Variants in XYLT1 observed in about 807,000 individuals in gnomAD.
XYLT1 encodes beta-D-xylosyltransferase 1.
In XYLT1, 36 loss-of-function variants were observed where a neutral mutation model predicts 91.3. The observed-to-expected ratio is 0.39, with a 90% CI of 0.30 to 0.52. XYLT1 has a LOEUF of 0.52. Among genes scored for constraint, XYLT1 ranks in the 20% least tolerant of loss-of-function variants. The pLI, the probability that XYLT1 is intolerant of heterozygous loss-of-function variation, is 0.68. For missense variants in XYLT1, 1,242 were observed against 1,284.5 expected (o/e 0.97, Z 0.51); for synonymous variants, 588 against 532.0 (o/e 1.11, Z -1.45).
At chr16:17,364,633 G>A (rs1468284327) in intron 1 of XYLT1, among the ~76,000 whole-genome samples, 3 of 152,130 alleles carry the variant, frequency 2.0e-5, no homozygotes, top group African/African-American at 7.2e-5. Context: ...TAGCTAATTC[G>A]TTTTGAATGC....
intron 3 of XYLT1, chr16:17,250,304 TG>T (rs1335721792): frequency 6.6e-6 from 1 of 152,204 alleles, no homozygotes; most frequent in African/African-American, 2.4e-5. Flanking sequence ...GAGCTAAGAA[TG>T]GGTTGACATC....
chr16:17,122,895 G>C (rs12933231), intron 10 of XYLT1, among the ~76,000 whole-genome samples: 97,913 of 151,916 alleles, frequency 0.64, 32,551 homozygotes, highest in Non-Finnish European at 0.71. Context: ...TAAGTATTTG[G>C]CTTTATTTCT....
intron 3 of XYLT1, among the ~76,000 whole-genome samples, chr16:17,218,289 C>A (rs2032898740): frequency 6.6e-6 from 1 of 151,660 alleles, no homozygotes; most frequent in South Asian, 2.1e-4. Context: ...AAACAAACAA[C>A]AACAACAAGA....
In XYLT1 at chr16:17,379,508, CG is replaced by C. The variant is rs578193769; in HGVS notation, c.364-21459del. Among the ~76,000 whole-genome samples, 71 of 152,156 alleles carry C rather than the reference CG, an allele frequency of 4.7e-4. 2 individuals carry two copies. In the South Asian group the frequency reaches 0.013, roughly 29 times the overall value. Reference sequence around the variant, plus strand: ...ATGGGAACCTGGCCCCCGGAGGATGCGGGAGAGAAATTAGACAAGGTGTGGT... The same window carrying C: ...ATGGGAACCTGGCCCCCGGAGGATGCGGAGAGAAATTAGACAAGGTGTGGT... On this transcript the variant is annotated intron_variant, in intron 1 of 11. Coordinates refer to ENST00000261381, the MANE Select transcript of XYLT1 (RefSeq NM_022166.4).
chr16:17,467,014 T>C (rs1026390356), intron 1 of XYLT1, among the ~76,000 whole-genome samples: 19 of 152,158 alleles, frequency 1.2e-4, no homozygotes, highest in East Asian at 1.9e-4. Context: ...AGTGAACCGA[T>C]CTTTCAAAGT....
intron 1 of XYLT1, among the ~76,000 whole-genome samples, chr16:17,469,998 A>G (rs573420032): frequency 6.6e-6 from 1 of 152,274 alleles, no homozygotes; most frequent in Middle Eastern, 3.4e-3. Context: ...GTCTGCACCC[A>G]GCTCGGCAAA....
intron 1 of XYLT1, among the ~76,000 whole-genome samples, chr16:17,381,553 C>G (rs999503262): frequency 6.6e-6 from 1 of 151,624 alleles, no homozygotes; most frequent in African/African-American, 2.4e-5. Flanking sequence ...CCTCAGCCTC[C>G]TGAGCTGGGA....
At chr16:17,201,915 T>C (rs2032551510) in intron 3 of XYLT1, among the ~76,000 whole-genome samples, 1 of 152,192 alleles carries the variant, frequency 6.6e-6, no homozygotes, top group African/African-American at 2.4e-5. Flanking sequence ...GCTTGTGGCC[T>C]GCCTTGAGCT....
At chr16:17,189,780 C>T (rs866214010) in intron 5 of XYLT1, among the ~76,000 whole-genome samples, 51 of 152,320 alleles carry the variant, frequency 3.3e-4, no homozygotes, top group African/African-American at 1.1e-3. Flanking sequence ...GGCATAGTGG[C>T]TTACACCTGT....
At chr16:17,175,129 A>C (rs1423958423) in intron 5 of XYLT1, among the ~76,000 whole-genome samples, 1 of 152,214 alleles carries the variant, frequency 6.6e-6, no homozygotes, top group African/African-American at 2.4e-5. Context: ...AAAATATGAC[A>C]GTTGAACCCC....
intron 5 of XYLT1, among the ~76,000 whole-genome samples, chr16:17,164,554 A>G (rs1291203035): frequency 1.3e-5 from 2 of 152,160 alleles, no homozygotes; most frequent in African/African-American, 4.8e-5. Context: ...AGCCCCTGGC[A>G]ACCCCCATTC....
intron 3 of XYLT1, among the ~76,000 whole-genome samples, chr16:17,209,547 A>G (rs1040815467): frequency 3.3e-5 from 5 of 152,190 alleles, no homozygotes; most frequent in African/African-American, 1.2e-4. Context: ...TAAAGTCACT[A>G]TTTGTAATGT....
At chr16:17,152,504 CAG>C (rs1201161278) in intron 6 of XYLT1, among the ~76,000 whole-genome samples, 1 of 152,250 alleles carries the variant, frequency 6.6e-6, no homozygotes, top group African/African-American at 2.4e-5. Flanking sequence ...TAGCCAGAAA[CAG>C]AGCTCTTCTC....
chr16:17,352,909 A>T (rs1048447565), intron 2 of XYLT1, among the ~76,000 whole-genome samples: 5 of 152,186 alleles, frequency 3.3e-5, no homozygotes, highest in African/African-American at 1.2e-4. Flanking sequence ...ATGGCCCAAT[A>T]GTGATTTACG....
chr16:17,117,902 C>T lies in XYLT1; in HGVS notation c.2301G>A (p.Val767=), dbSNP rs1232348185. ...GTCCCTTCCCCCACTTCTGCATACCCACCGGCTCATCCATGGGCCCCAGAA... is the reference window on the plus strand; with the variant it reads ...GTCCCTTCCCCCACTTCTGCATACCTACCGGCTCATCCATGGGCCCCAGAA... ...GGLLGPMDEP[V]GMQKWGKGPN... The change falls in exon 11 of 12, where the codon GTG becomes GTA. Residue 767 remains valine, a synonymous_variant. Coordinates refer to ENST00000261381, the MANE Select transcript of XYLT1 (RefSeq NM_022166.4). 29 of 1,614,028 alleles carry T rather than the reference C, an allele frequency of 1.8e-5. No individual in the cohort carries two copies. The highest frequency in any genetic ancestry group is 2.4e-5 in the Non-Finnish European group (28 of 1,180,026).
At chr16:17,209,741 C>G (rs776907487) in intron 3 of XYLT1, among the ~76,000 whole-genome samples, 19 of 152,182 alleles carry the variant, frequency 1.2e-4, no homozygotes, top group Non-Finnish European at 2.4e-4. Flanking sequence ...ATAAATGAGG[C>G]AAAATAAAGC....
chr16:17,148,276 G>A (rs2031190634), intron 6 of XYLT1, among the ~76,000 whole-genome samples: 1 of 152,124 alleles, frequency 6.6e-6, no homozygotes, highest in African/African-American at 2.4e-5. Flanking sequence ...CTTACCTAAG[G>A]ATGACATCCC....
At chr16:17,203,048 G>T (rs1300902426) in intron 3 of XYLT1, among the ~76,000 whole-genome samples, 1 of 152,106 alleles carries the variant, frequency 6.6e-6, no homozygotes, top group Non-Finnish European at 1.5e-5. Flanking sequence ...GAGGCCAAGG[G>T]ATTGGCTCAA....
intron 1 of XYLT1, among the ~76,000 whole-genome samples, chr16:17,360,716 T>C (rs1366198172): frequency 2.0e-5 from 3 of 152,208 alleles, no homozygotes; most frequent in Non-Finnish European, 4.4e-5. Context: ...TCCTCCTTAA[T>C]TGGAAAGGCT....
Sources: allele counts gnomAD v4.1 joint callset (sites outside exome capture counted in the v4.1 genomes callset), GRCh38; gene constraint gnomAD v4.1.1; transcripts MANE v1.5; gene names NCBI Gene and HGNC (gene_info 2026-07-23, HGNC 2026-07-21).